GLRX: variants seen among roughly 807,000 people sequenced by gnomAD.
GLRX encodes glutaredoxin-1.
In GLRX, 9 loss-of-function variants were observed where a neutral mutation model predicts 11.1. That is an observed-to-expected ratio of 0.81 (90% confidence interval 0.49 to 1.42). GLRX has a LOEUF of 1.42. GLRX is among the 40% of genes most tolerant of loss of function. The pLI is 0.00. For missense variants in GLRX, 102 were observed against 126.2 expected, an observed-to-expected ratio of 0.81 and a Z score of 0.92; for synonymous variants, 49 against 49.5, an observed-to-expected ratio of 0.99 and a Z score of 0.04.
At chr5:95,817,317 A>C (rs762505347) in intron 1 of GLRX, 2 of 152,698 alleles carry the variant, frequency 1.3e-5, no homozygotes, top group Non-Finnish European at 2.9e-5. Flanking sequence ...CAGGAGGCTG[A>C]AGTGGAAGGA....
intron 1 of GLRX, chr5:95,819,472 A>G (rs1020612584): frequency 1.3e-4 from 20 of 152,232 alleles, no homozygotes; most frequent in African/African-American, 4.8e-4. Context: ...TGAAGGCACT[A>G]ATTTAGGAGC....
At chr5:95,819,167 T>A (rs909961336) in intron 1 of GLRX, 1 of 152,204 alleles carries the variant, frequency 6.6e-6, no homozygotes, top group African/African-American at 2.4e-5. Flanking sequence ...AGAATATAGG[T>A]TCAACAAAGG....
chr5:95,814,695 G>A (rs1355689674), intron 2 of GLRX: 1 of 152,346 alleles, frequency 6.6e-6, no homozygotes, highest in Non-Finnish European at 1.5e-5. Flanking sequence ...GCATGCCAAA[G>A]AGGACAATTG....
chr5:95,818,222 T>C (rs1747079777), intron 1 of GLRX: 1 of 152,144 alleles, frequency 6.6e-6, no homozygotes, highest in African/African-American at 2.4e-5. Context: ...TCTGGACAAC[T>C]GCAAAACTGC....
chr5:95,814,951 G>T (rs1746932412), intron 2 of GLRX: 2 of 169,764 alleles, frequency 1.2e-5, no homozygotes, highest in Non-Finnish European at 1.4e-5. Context: ...TCAGCATGGG[G>T]CCTGTTCTGC....
chr5:95,821,033 G>A (rs903183590), intron 1 of GLRX, among the ~76,000 whole-genome samples: 5 of 152,010 alleles, frequency 3.3e-5, no homozygotes, highest in Non-Finnish European at 7.4e-5. Context: ...AACCCAGGAG[G>A]CAGAGGTTGC....
intron 1 of GLRX, chr5:95,819,649 C>T (rs966315519): frequency 6.6e-6 from 1 of 152,248 alleles, no homozygotes; most frequent in African/African-American, 2.4e-5. Context: ...CCTGTAATCC[C>T]AGCACTTTGG....
At chr5:95,814,601 T>C (rs1006274132) in intron 2 of GLRX, 6 of 152,538 alleles carry the variant, frequency 3.9e-5, no homozygotes, top group African/African-American at 1.2e-4. Flanking sequence ...TTCATCATTG[T>C]GGAGAAGGAG....
rs1290251195 is a variant in GLRX, at chr5:95,822,523, T to G, written c.140A>C (p.Asp47Ala). The change falls in exon 1 of 3, where the codon GAT becomes GCT. Residue 47 changes from aspartate (D) to alanine (A), a missense_variant. By Grantham distance (126) the Asp-to-Ala change is moderately radical. Transcript: ENST00000237858. ...PIKQGLLEFV[D>A]ITATNHTNEI... ...GTTAGTGTGGTTGGTGGCTGTGATA[T>G]CGACAAATTCCAGAAGCCCTTGTTT... 1 of 1,613,860 alleles carries G rather than the reference T, an allele frequency of 6.2e-7. No homozygotes were observed. The highest frequency in any genetic ancestry group is 1.1e-5 in the South Asian group (1 of 91,078).
intron 1 of GLRX, among the ~76,000 whole-genome samples, chr5:95,820,438 C>T (rs1430648527): frequency 6.7e-6 from 1 of 149,502 alleles, no homozygotes; most frequent in Non-Finnish European, 1.5e-5. Flanking sequence ...CAATTGTTGA[C>T]CAGGTGTGGT....
intron 1 of GLRX, 25 bp downstream of exon 1, chr5:95,822,431 C>A: frequency 6.3e-7 from 1 of 1,582,258 alleles, no homozygotes; most frequent in Non-Finnish European, 8.7e-7. Flanking sequence ...GGAGCCTTTC[C>A]CTAGCCGTTT....
chr5:95,815,362 T>C (rs1323985829), intron 2 of GLRX, among the ~76,000 whole-genome samples: 1 of 152,246 alleles, frequency 6.6e-6, no homozygotes, highest in East Asian at 1.9e-4. Flanking sequence ...CGTAGAATTC[T>C]GATTAGAAGA....
In GLRX at chr5:95,822,717, G is replaced by T; in HGVS notation, c.-55C>A. On this transcript the variant is annotated 5_prime_UTR_variant, in exon 1 of 3. Coordinates refer to ENST00000237858, the MANE Select transcript of GLRX (RefSeq NM_001118890.2). ...ATCCTCAGTTGCAGGTATTGCTTGG[G>T]GTATTGAGCCCCGACCCAGCCAGTT... 1 of 1,477,192 alleles carries T rather than the reference G, an allele frequency of 6.8e-7. No homozygotes were observed. Among genetic ancestry groups the T allele is most frequent in the Non-Finnish European group, 9.4e-7 (1 of 1,062,868 alleles). The allele number at this position is 1,477,192 out of a possible 1,614,324, so 91.5% of individuals were successfully genotyped here.
At chr5:95,818,297 G>A (rs1187072832) in intron 1 of GLRX, 2 of 152,308 alleles carry the variant, frequency 1.3e-5, no homozygotes, top group Non-Finnish European at 2.9e-5. Flanking sequence ...CAGACGGCAC[G>A]GGGGTGCTGT....
chr5:95,817,240 C>T (rs1747034493), intron 1 of GLRX: 1 of 152,318 alleles, frequency 6.6e-6, no homozygotes, highest in Admixed American at 6.5e-5. Context: ...CATCGTGAGA[C>T]CCCGTCTCTA....
chr5:95,815,793 TTAAA>T (rs1746970247), intron 2 of GLRX, among the ~76,000 whole-genome samples: 1 of 152,274 alleles, frequency 6.6e-6, no homozygotes, highest in African/African-American at 2.4e-5. Flanking sequence ...GGGAAGCCAA[TTAAA>T]TAGAGTTGAT....
At chr5:95,821,517 C>G (rs551810006) in intron 1 of GLRX, among the ~76,000 whole-genome samples, 1 of 152,280 alleles carries the variant, frequency 6.6e-6, no homozygotes, top group African/African-American at 2.4e-5. Context: ...CCAGAGACAA[C>G]CTTGTAAGTC....
In GLRX at chr5:95,822,692, A is replaced by C; in HGVS notation, c.-30T>G. 1.3e-6 allele frequency: 2 copies of C among 1,589,766 alleles called. No homozygotes were observed. Among genetic ancestry groups the C allele is most frequent in the Non-Finnish European group, 1.7e-6 (2 of 1,158,802 alleles). ...ATGGGCTGCGGTCTCCCCGGGAAGA[A>C]TCCTCAGTTGCAGGTATTGCTTGGG... On this transcript the variant is annotated 5_prime_UTR_variant, in exon 1 of 3. Coordinates refer to ENST00000237858, the MANE Select transcript of GLRX (RefSeq NM_001118890.2).
intron 1 of GLRX, among the ~76,000 whole-genome samples, chr5:95,821,655 G>A (rs1747242107): frequency 6.6e-6 from 1 of 152,196 alleles, no homozygotes; most frequent in African/African-American, 2.4e-5. Context: ...ACTGATACAG[G>A]TGATGTGGCT....
Sources: allele counts gnomAD v4.1 joint callset (sites outside exome capture counted in the v4.1 genomes callset), GRCh38; gene constraint gnomAD v4.1.1; transcripts MANE v1.5; gene names NCBI Gene and HGNC (gene_info 2026-07-23, HGNC 2026-07-21).